The following HCN2 variants were observed in gnomAD, a reference collection of about 807,000 sequenced individuals.
HCN2 encodes the protein potassium/sodium hyperpolarization-activated cyclic nucleotide-gated channel 2.
HCN2 carries 20 observed loss-of-function variants against 52.3 expected under a neutral mutation model. That is an observed-to-expected ratio of 0.38 (90% CI 0.27 to 0.56). HCN2 has a LOEUF of 0.56. Among genes scored for constraint, HCN2 ranks in the 20% least tolerant of loss-of-function variants. HCN2 has a pLI of 0.71. For synonymous variants in HCN2, 694 were observed against 537.0 expected, an observed-to-expected ratio of 1.29 and a Z score of -4.04; for missense variants, 981 against 1,207.7, an observed-to-expected ratio of 0.81 and a Z score of 2.78.
rs768523518 is a variant in HCN2 at position 613,433 on chromosome 19, C to T, written c.1770C>T (p.Ser590=). 3.1e-6 allele frequency: 5 copies of T among 1,610,072 alleles called. No homozygotes were observed. Among genetic ancestry groups the T allele is most frequent in the East Asian group, 2.2e-5 (1 of 44,778 alleles). Residue 590 remains serine, a synonymous_variant, in exon 6 of 8, where the codon AGC becomes AGT. Coordinates refer to ENST00000251287, the MANE Select transcript of HCN2 (RefSeq NM_001194.4). ...KMYFIQHGVV[S]VLTKGNKEMK... is the part of the protein sequence containing the mutation. ...ACTTCATCCAGCACGGCGTGGTCAG[C>T]GTGCTCACTAAGGGCAACAAGGAGA...
intron 1 of HCN2, among the ~76,000 whole-genome samples, chr19:598,774 A>G (rs1386775879): frequency 6.6e-6 from 1 of 151,916 alleles, no homozygotes; most frequent in African/African-American, 2.4e-5. Flanking sequence ...AAAAAATAAT[A>G]CATTTTTGTA....
At position 609,568 on chromosome 19, in the gene HCN2, C is replaced by G. The variant is rs1178590343; in HGVS notation, c.1438-691C>G. ...ATCGCCTGAGGTCAGGAGTTTAAGA[C>G]CAGCCTGAGCAACACGGCGAGACCT... On this transcript the variant is annotated intron_variant, in intron 4 of 7. Coordinates refer to ENST00000251287, the MANE Select transcript of HCN2 (RefSeq NM_001194.4). Among the ~76,000 whole-genome samples the G allele has an allele frequency of 2.0e-5, 3 of 152,344 alleles. No homozygotes were observed. The East Asian group carries it at 5.8e-4, about 29-fold the overall frequency.
At chr19:605,030 G>C in intron 2 of HCN2, 31 bp from the exon 3 acceptor site, 1 of 1,600,632 alleles carries the variant, frequency 6.2e-7, no homozygotes, top group South Asian at 1.1e-5. Context: ...GGGGTCAGCG[G>C]GTAGGGTGGG....
intron 1 of HCN2, among the ~76,000 whole-genome samples, chr19:602,986 GT>G (rs1352160772): frequency 8.0e-4 from 31 of 38,580 alleles, no homozygotes; most frequent in Non-Finnish European, 1.2e-3. Flanking sequence ...GGGCACCCTC[GT>G]CCCCCAGGGA....
chr19:608,601 G>A (rs564957796), intron 4 of HCN2, among the ~76,000 whole-genome samples: 3 of 152,078 alleles, frequency 2.0e-5, no homozygotes, highest in South Asian at 2.1e-4. Flanking sequence ...GGGCTGGGGA[G>A]GGGATGCAGG....
At chr19:607,248 G>C (rs1337975085) in intron 3 of HCN2, among the ~76,000 whole-genome samples, 4 of 152,254 alleles carry the variant, frequency 2.6e-5, no homozygotes, top group Non-Finnish European at 5.9e-5. Context: ...CTGTTAAGAA[G>C]GGTTAGTTAT....
At chr19:598,695 G>A (rs1245871381) in intron 1 of HCN2, among the ~76,000 whole-genome samples, 4 of 152,172 alleles carry the variant, frequency 2.6e-5, no homozygotes, top group African/African-American at 7.2e-5. Flanking sequence ...TCCGCCTCCC[G>A]GGTTCATGCC....
At chr19:607,746 G>A (rs953490189) in intron 3 of HCN2, among the ~76,000 whole-genome samples, 2 of 152,202 alleles carry the variant, frequency 1.3e-5, no homozygotes, top group African/African-American at 2.4e-5. Context: ...GGAGTGAAGC[G>A]GGCAGGTAGA....
intron 1 of HCN2, among the ~76,000 whole-genome samples, chr19:595,790 A>G (rs929569683): frequency 6.6e-6 from 1 of 152,134 alleles, no homozygotes; most frequent in Admixed American, 6.5e-5. Flanking sequence ...GGATCTGGCC[A>G]TGACTCCACA....
chr19:593,188 C>G (rs924944034), intron 1 of HCN2, among the ~76,000 whole-genome samples: 4 of 152,218 alleles, frequency 2.6e-5, no homozygotes, highest in African/African-American at 9.6e-5. Context: ...TGGCCTCTTT[C>G]ACGCCCCACG....
At chr19:601,382 G>A (rs1015421778) in intron 1 of HCN2, among the ~76,000 whole-genome samples, 2 of 152,212 alleles carry the variant, frequency 1.3e-5, no homozygotes, top group Non-Finnish European at 1.5e-5. Context: ...CGTGGCCTGG[G>A]TCAGAGCCTC....
chr19:615,462 C>G (rs1161156837), intron 7 of HCN2, among the ~76,000 whole-genome samples: 2 of 152,106 alleles, frequency 1.3e-5, no homozygotes, highest in East Asian at 3.8e-4. Context: ...TGCAGTGGGC[C>G]GAGATCGCGC....
In HCN2 at chr19:603,762, A is replaced by T; in HGVS notation, c.851A>T (p.Lys284Met). ...ATCCTGGACCCCGAGAAGATCAAGA[A>T]GAAGTATCTGCGCACGTGGTTCGTG... ...EIILDPEKIKKKYLRTWFVVD... is the reference protein window; with the variant it reads ...EIILDPEKIKMKYLRTWFVVD... The change falls in exon 2 of 8, where the codon AAG becomes ATG. Residue 284 changes from lysine (K) to methionine (M), a missense_variant. Physicochemically the swap from Lys to Met is moderately conservative, Grantham distance 95 (BLOSUM62 -1). Coordinates refer to ENST00000251287, the MANE Select transcript of HCN2 (RefSeq NM_001194.4). The T allele has an allele frequency of 6.2e-7, 1 of 1,612,916 alleles. No homozygotes were observed. The highest frequency in any genetic ancestry group is 8.5e-7 in the Non-Finnish European group (1 of 1,179,816).
intron 1 of HCN2, among the ~76,000 whole-genome samples, chr19:595,352 C>T (rs1385036721): frequency 1.3e-5 from 2 of 151,844 alleles, no homozygotes; most frequent in African/African-American, 2.4e-5. Context: ...GATGCCTCCC[C>T]GTCCCCCTTT....
At chr19:606,212 C>T (rs35208581) in intron 3 of HCN2, among the ~76,000 whole-genome samples, 51,744 of 151,966 alleles carry the variant, frequency 0.34, 9,415 homozygotes, top group East Asian at 0.45. Flanking sequence ...GGGATTCTCT[C>T]GCCTCAGCCT....
At chr19:607,150 G>A (rs930641763) in intron 3 of HCN2, among the ~76,000 whole-genome samples, 3 of 151,756 alleles carry the variant, frequency 2.0e-5, no homozygotes, top group African/African-American at 4.9e-5. Context: ...CAGCCTGGGC[G>A]ACAAGAGCGA....
chr19:590,038 C>G lies in HCN2; in HGVS notation c.93C>G (p.Pro31=), dbSNP rs1337540868. ...CGCCGCCGCCGCCGCCCGCGCCCCC[C>G]CAACAGCAGCCGCCGCCGCCGCCGC... The part of the protein sequence containing the change: ...GPPPPPPPAP[P]QQQPPPPPPP... Residue 31 remains proline (P), a synonymous_variant, in exon 1 of 8, where the codon CCC becomes CCG. Transcript: ENST00000251287. The surrounding 1 kb of genome is among the most constrained non-coding windows in gnomAD (Gnocchi z 7.2). 1 of 620,918 alleles carries G rather than the reference C, an allele frequency of 1.6e-6. No homozygotes were observed. Among genetic ancestry groups the G allele is most frequent in the East Asian group, 1.6e-4 (1 of 6,314 alleles). 38.5% of individuals were successfully genotyped at this position (620,918 alleles called of 1,614,324 possible).
chr19:614,606 G>T (rs1345421893), intron 7 of HCN2, among the ~76,000 whole-genome samples: 5 of 152,150 alleles, frequency 3.3e-5, no homozygotes, highest in South Asian at 2.1e-4. Flanking sequence ...AAGAGGCCTA[G>T]AGTCCAGAGA....
intron 2 of HCN2, among the ~76,000 whole-genome samples, 168 bp from the exon 3 acceptor site, chr19:604,893 G>A (rs1461020365): frequency 7.6e-6 from 1 of 131,786 alleles, no homozygotes. Flanking sequence ...GGTTTGGAGG[G>A]CGGGGGTCCC....
Sources: gnomAD v4.1 joint callset for allele counts (sites outside exome capture counted in the v4.1 genomes callset) on GRCh38, gnomAD v4.1.1 for gene constraint, Gnocchi (gnomAD v3.1) non-coding constraint, MANE v1.5 for transcripts, NCBI Gene and HGNC (gene_info 2026-07-23, HGNC 2026-07-21) for gene names.